NAA11: variants seen among roughly 807,000 people sequenced by gnomAD.
NAA11 encodes the protein N-alpha-acetyltransferase 11, NatA catalytic subunit.
A neutral mutation model predicts 16.1 loss-of-function variants in NAA11; 15 were observed. The ratio of observed to expected loss-of-function variants is 0.93; its 90% CI spans 0.62 to 1.44. The LOEUF (loss-of-function observed/expected upper bound fraction) is 1.44, where lower values mean the gene tolerates loss of function less well. Ranked by LOEUF, NAA11 falls within the 40% of genes most tolerant of loss-of-function variation. The pLI, the probability that NAA11 is intolerant of heterozygous loss-of-function variation, is 0.00. For synonymous variants in NAA11, 122 were observed against 112.4 expected (o/e 1.09, Z -0.54); for missense variants, 298 against 291.3 (o/e 1.02, Z -0.17).
intron 1 of NAA11, 123 bp downstream of exon 1, chr4:79,325,053 G>T: frequency 1.3e-6 from 1 of 799,046 alleles, no homozygotes. Flanking sequence ...AAGGTCACCA[G>T]GTGGTTTTTA....
the NAA11 span, among the ~76,000 whole-genome samples, chr4:79,180,028 G>T: frequency 6.6e-6 from 1 of 152,048 alleles, no homozygotes; most frequent in South Asian, 2.1e-4. Context: ...ACAGCATGGG[G>T]GAAACTGCCC....
At chr4:79,251,936 C>T (rs1208915202) in intron 2 of NAA11, among the ~76,000 whole-genome samples, 1 of 152,138 alleles carries the variant, frequency 6.6e-6, no homozygotes, top group Non-Finnish European at 1.5e-5. Flanking sequence ...GTCATGGAAT[C>T]AACTGAAATG....
chr4:79,230,529 A>G (rs775347567), intron 2 of NAA11, among the ~76,000 whole-genome samples: 2 of 151,992 alleles, frequency 1.3e-5, no homozygotes, highest in Non-Finnish European at 2.9e-5. Context: ...ACCTCACACA[A>G]GCACATAAAT....
chr4:79,228,937 G>T (rs1003365848), intron 2 of NAA11, among the ~76,000 whole-genome samples: 4 of 151,956 alleles, frequency 2.6e-5, no homozygotes. Context: ...CAGCAAGTAG[G>T]AACATTCTAG....
At chr4:79,301,336 G>A (rs1193804403) in intron 1 of NAA11, among the ~76,000 whole-genome samples, 1 of 152,104 alleles carries the variant, frequency 6.6e-6, no homozygotes, top group East Asian at 1.9e-4. Context: ...ACTCCACTAT[G>A]AAGAGTTCCT....
intron 1 of NAA11, 113 bp downstream of exon 1, chr4:79,325,063 A>T: frequency 2.1e-6 from 2 of 944,098 alleles, no homozygotes; most frequent in Non-Finnish European, 3.1e-6. Context: ...GGTGGTTTTT[A>T]CCGTAAAATC....
intron 1 of NAA11, among the ~76,000 whole-genome samples, chr4:79,296,282 A>C (rs2109997469): frequency 6.6e-6 from 1 of 152,322 alleles, no homozygotes; most frequent in African/African-American, 2.4e-5. Context: ...AAAGAAGGTA[A>C]GCAACTTGTC....
chr4:79,171,866 G>A, the NAA11 span, among the ~76,000 whole-genome samples: 2 of 152,096 alleles, frequency 1.3e-5, no homozygotes, highest in Non-Finnish European at 2.9e-5. Flanking sequence ...ATCACAAAAA[G>A]TAATACAAAT....
rs1723938253 is a variant in NAA11, at chr4:79,316,674, C to T, written c.*1130G>A. ...TGGATTTATCTGGTAACTTTTACTG[C>T]AGAGGTCAAGGTACTTTGTCTTCAC... On this transcript the variant is annotated 3_prime_UTR_variant, in exon 2 of 2. Transcript: ENST00000286794. The T allele has an allele frequency of 6.6e-6, 1 of 152,064 alleles. No individual in the cohort carries two copies. The highest frequency in any genetic ancestry group is 2.4e-5 in the African/African-American group (1 of 41,400). The allele number at this position is 152,064 out of a possible 1,614,324, so 9.4% of individuals were successfully genotyped here.
At chr4:79,157,251 C>T in the NAA11 span, among the ~76,000 whole-genome samples, 1 of 152,010 alleles carries the variant, frequency 6.6e-6, no homozygotes, top group Admixed American at 6.6e-5. Flanking sequence ...ATCTCTCACC[C>T]CCTCCCACCT....
intron 2 of NAA11, among the ~76,000 whole-genome samples, chr4:79,234,243 C>T (rs1721525938): frequency 2.0e-5 from 3 of 152,110 alleles, no homozygotes; most frequent in Admixed American, 2.0e-4. Flanking sequence ...CCAATTATCT[C>T]TCTCTCTCTG....
intron 2 of NAA11, among the ~76,000 whole-genome samples, chr4:79,238,268 T>TA (rs1388033749): frequency 2.0e-5 from 3 of 152,216 alleles, no homozygotes; most frequent in African/African-American, 7.2e-5. Context: ...TTTTCTGAAT[T>TA]AAAAAAGTAA....
the NAA11 span, among the ~76,000 whole-genome samples, chr4:79,201,868 ATAACTT>A: frequency 6.6e-6 from 1 of 151,788 alleles, no homozygotes; most frequent in African/African-American, 2.4e-5. Context: ...TATCAAAAAA[ATAACTT>A]CAACTTCATC....
At chr4:79,273,203 T>TA (rs1359772027) in intron 2 of NAA11, among the ~76,000 whole-genome samples, 1 of 151,858 alleles carries the variant, frequency 6.6e-6, no homozygotes, top group African/African-American at 2.4e-5. Context: ...CAAGTACATA[T>TA]ATAGAAGGCA....
chr4:79,285,313 A>G (rs1338681986), intron 2 of NAA11, among the ~76,000 whole-genome samples: 2 of 152,146 alleles, frequency 1.3e-5, no homozygotes, highest in African/African-American at 4.8e-5. Context: ...AAAACTATGC[A>G]GTGTTTTTAT....
At chr4:79,291,493 GC>G (rs1385943742) in intron 2 of NAA11, among the ~76,000 whole-genome samples, 2 of 152,050 alleles carry the variant, frequency 1.3e-5, no homozygotes, top group Non-Finnish European at 2.9e-5. Context: ...ATTGGGCCGG[GC>G]CTGGTGGCTC....
intron 2 of NAA11, among the ~76,000 whole-genome samples, chr4:79,265,515 T>C (rs1560433870): frequency 1.3e-5 from 2 of 152,298 alleles, no homozygotes; most frequent in East Asian, 3.9e-4. Flanking sequence ...TGCACTTTCT[T>C]TAGCTTACAC....
the NAA11 span, among the ~76,000 whole-genome samples, chr4:79,194,161 T>C: frequency 9.9e-5 from 15 of 151,210 alleles, no homozygotes; most frequent in African/African-American, 3.6e-4. Flanking sequence ...AATCATGTCA[T>C]CTGCAAACAG....
intron 2 of NAA11, among the ~76,000 whole-genome samples, chr4:79,230,271 T>C (rs868518341): frequency 1.4e-4 from 21 of 151,258 alleles, no homozygotes; most frequent in African/African-American, 4.6e-4. Flanking sequence ...CTGGGGACTG[T>C]TGTGGGGTGG....
Sources: allele counts gnomAD v4.1 joint callset (sites outside exome capture counted in the v4.1 genomes callset), GRCh38; gene constraint gnomAD v4.1.1; transcripts MANE v1.5; gene names NCBI Gene and HGNC (gene_info 2026-07-23, HGNC 2026-07-21).